The following DCK variants were observed in gnomAD, a reference collection of about 807,000 sequenced individuals.
DCK encodes the protein deoxyadenosine kinase.
DCK carries 23 observed loss-of-function variants against 38.3 expected under a neutral mutation model. The observed-to-expected ratio is 0.60, with a 90% CI of 0.43 to 0.85. DCK has a LOEUF of 0.85. Among genes scored for constraint, DCK ranks in the 40% least tolerant of loss-of-function variants. The pLI is 0.00. For missense variants in DCK, 259 were observed against 304.4 expected, an observed-to-expected ratio of 0.85 and a Z score of 1.11; for synonymous variants, 108 against 100.6, an observed-to-expected ratio of 1.07 and a Z score of -0.44.
In DCK at chr4:71,025,833, A is replaced by G. The variant is rs376578259; in HGVS notation, c.567A>G (p.Ile189Met). The change falls in exon 5 of 7, where the codon ATA becomes ATG. Residue 189 changes from isoleucine to methionine, a missense_variant. Transcript: ENST00000286648. ...GCTTTTAGACATGCTTACATAGAAT[A>G]TATTTACGGGGAAGAAATGAAGAGC... ...QATPETCLHR[I>M]YLRGRNEEQG... The G allele has an allele frequency of 9.9e-6, 16 of 1,609,284 alleles. No homozygotes were observed. The highest frequency in any genetic ancestry group is 1.3e-5 in the Non-Finnish European group (15 of 1,178,174).
intron 2 of DCK, among the ~76,000 whole-genome samples, chr4:71,007,402 A>C (rs560093607): frequency 6.6e-6 from 1 of 152,326 alleles, no homozygotes; most frequent in South Asian, 2.1e-4. Context: ...GAAATACGAC[A>C]TCATCATTCC....
At chr4:71,025,673 G>A (rs112037821) in intron 4 of DCK, 143 bp from the exon 5 acceptor site, 5 of 1,125,872 alleles carry the variant, frequency 4.4e-6, no homozygotes, top group African/African-American at 3.2e-5. Flanking sequence ...AGGGAAAAAT[G>A]AATTATTTCA....
At chr4:71,004,771 A>G (rs1739898499) in intron 2 of DCK, among the ~76,000 whole-genome samples, 1 of 151,932 alleles carries the variant, frequency 6.6e-6, no homozygotes. Context: ...GGGGAAAACC[A>G]CCTACTGAAG....
chr4:71,008,147 C>T (rs773148143), intron 2 of DCK, among the ~76,000 whole-genome samples: 5 of 152,156 alleles, frequency 3.3e-5, no homozygotes, highest in Admixed American at 6.5e-5. Flanking sequence ...TAAATTCACC[C>T]GCATACATGC....
chr4:71,016,231 G>T (rs1410115609), intron 2 of DCK, among the ~76,000 whole-genome samples: 1 of 152,200 alleles, frequency 6.6e-6, no homozygotes, highest in Non-Finnish European at 1.5e-5. Flanking sequence ...TACAAGGGAT[G>T]TGAAGGACCT....
intron 6 of DCK, chr4:71,028,716 C>T: frequency 2.4e-6 from 1 of 417,394 alleles, no homozygotes; most frequent in South Asian, 1.7e-5. Context: ...CCTCAGCCTC[C>T]TAAGTAGGTG....
intron 2 of DCK, among the ~76,000 whole-genome samples, chr4:71,009,311 T>C (rs984621600): frequency 6.6e-6 from 1 of 152,216 alleles, no homozygotes; most frequent in Non-Finnish European, 1.5e-5. Flanking sequence ...TTTAGTTAGG[T>C]TGCAGAGAAG....
In DCK at chr4:71,029,683, T is replaced by C. The variant is rs1196667144; in HGVS notation, c.*305T>C. 1.1e-5 allele frequency: 3 copies of C among 263,646 alleles called. No individual in the cohort carries two copies. The highest frequency in any genetic ancestry group is 2.1e-5 in the Non-Finnish European group (3 of 140,024). The allele number at this position is 263,646 out of a possible 1,614,324, so 16.3% of individuals were successfully genotyped here. ...TACATTATAAAAGATCCAGCTTCCT[T>C]CTGTCATTCCCCTCTTTTGTCTTCC... On this transcript the variant is annotated 3_prime_UTR_variant, in exon 7 of 7. Transcript: ENST00000286648.
At chr4:71,015,242 G>C (rs1740228157) in intron 2 of DCK, among the ~76,000 whole-genome samples, 1 of 152,148 alleles carries the variant, frequency 6.6e-6, no homozygotes, top group Non-Finnish European at 1.5e-5. Context: ...GGAAGAAGTT[G>C]AATCCCTGAT....
chr4:71,002,991 C>T (rs923782302), intron 2 of DCK, among the ~76,000 whole-genome samples: 1 of 152,072 alleles, frequency 6.6e-6, no homozygotes, highest in African/African-American at 2.4e-5. Context: ...GAATTTGATC[C>T]TGTTATTATG....
chr4:71,029,268 T>C (rs1187597148), intron 6 of DCK, 84 bp from the exon 7 acceptor site: 2 of 874,726 alleles, frequency 2.3e-6, no homozygotes, highest in East Asian at 5.1e-5. Context: ...CTTCAACTAT[T>C]ATATACTTTT....
intron 2 of DCK, among the ~76,000 whole-genome samples, chr4:71,021,066 CTTTTTTTTTTTT>C (rs34109101): frequency 3.5e-5 from 3 of 86,004 alleles, no homozygotes; most frequent in Non-Finnish European, 4.8e-5. Flanking sequence ...GATGCTATTT[CTTTTTTTTTTTT>C]TTTTTTTTGA....
intron 2 of DCK, among the ~76,000 whole-genome samples, chr4:71,012,895 C>T (rs564730572): frequency 2.3e-4 from 35 of 152,252 alleles, no homozygotes; most frequent in East Asian, 1.4e-3. Flanking sequence ...TCGCCAGCAA[C>T]GGAACAAAGC....
At chr4:71,018,375 G>C (rs1030945702) in intron 2 of DCK, among the ~76,000 whole-genome samples, 1 of 151,924 alleles carries the variant, frequency 6.6e-6, no homozygotes, top group African/African-American at 2.4e-5. Context: ...TGATCCACCC[G>C]CCTTGGCCTC....
intron 3 of DCK, 38 bp downstream of exon 3, chr4:71,022,598 T>C: frequency 7.8e-7 from 1 of 1,279,556 alleles, no homozygotes; most frequent in East Asian, 2.8e-5. Context: ...ATTTGAAGTT[T>C]TTATCTTAGA....
chr4:71,019,808 GA>G (rs1302659581), intron 2 of DCK, among the ~76,000 whole-genome samples: 2 of 151,620 alleles, frequency 1.3e-5, no homozygotes, highest in African/African-American at 4.8e-5. Context: ...ATTTTTCTGA[GA>G]TGAAGTCTTG....
At chr4:71,029,217 AAATGC>A in intron 6 of DCK, 130 bp from the exon 7 acceptor site, 1 of 528,600 alleles carries the variant, frequency 1.9e-6, no homozygotes, top group Non-Finnish European at 3.3e-6. Context: ...TTTGGAAAGT[AAATGC>A]AATGGCATTG....
At chr4:71,005,784 G>C (rs1174691352) in intron 2 of DCK, among the ~76,000 whole-genome samples, 1 of 151,940 alleles carries the variant, frequency 6.6e-6, no homozygotes, top group Admixed American at 6.5e-5. Flanking sequence ...TTACAGGCCT[G>C]AGCCACTATG....
chr4:71,012,692 A>T (rs1578424034), intron 2 of DCK, among the ~76,000 whole-genome samples: 1 of 152,368 alleles, frequency 6.6e-6, no homozygotes, highest in Admixed American at 6.5e-5. Context: ...CCAACAGACC[A>T]GCAGCTGAGG....
Sources: gnomAD v4.1 joint callset for allele counts (sites outside exome capture counted in the v4.1 genomes callset) on GRCh38, gnomAD v4.1.1 for gene constraint, MANE v1.5 for transcripts, NCBI Gene and HGNC (gene_info 2026-07-23, HGNC 2026-07-21) for gene names.